Variants in TET2 observed in about 807,000 individuals in gnomAD.
TET2 encodes the protein methylcytosine dioxygenase TET2.
A neutral mutation model predicts 142.9 loss-of-function variants in TET2; 299 were observed. That is an observed-to-expected ratio of 2.09 (90% CI 1.90 to 2.30). The LOEUF (loss-of-function observed/expected upper bound fraction) is 2.30, where lower values mean the gene tolerates loss of function less well. Ranked by LOEUF, TET2 falls within the 30% of genes most tolerant of loss-of-function variation. TET2 has a pLI of 0.00. For synonymous variants in TET2, 819 were observed against 849.0 expected (o/e 0.96, Z 0.61); for missense variants, 2,418 against 2,378.0 (o/e 1.02, Z -0.35).
Position 105,234,809 on chromosome 4 carries a change from TGCA to T in TET2, c.869_871del (p.Ala290del). ...ACTCTGAGCTGCCTCCAAAGCCAGC[TGCA>T]GTGGTGAGTGAGGCCTGTGATGCTG... On this transcript the variant is annotated inframe_deletion, in exon 3 of 11. Coordinates refer to ENST00000380013, the MANE Select transcript of TET2 (RefSeq NM_001127208.3). 1.2e-6 allele frequency: 2 copies of T among 1,613,986 alleles called. No individual in the cohort carries two copies. Among genetic ancestry groups the T allele is most frequent in the Non-Finnish European group, 1.7e-6 (2 of 1,179,982 alleles).
chr4:105,241,663 C>T, intron 4 of TET2: 2 of 1,280,800 alleles, frequency 1.6e-6, no homozygotes, highest in Non-Finnish European at 9.9e-7. Flanking sequence ...GCGATGGATG[C>T]CAGAAAACCC....
Position 105,236,399 on chromosome 4 carries a change from T to C in TET2, c.2457T>C (p.Tyr819=). ...VQNINRRNSP[Y]SQTMKSSACK... Reference sequence around the variant, plus strand: ...ATATAAATCGTAGAAATTCCCCTTATAGTCAGACCATGAAATCAAGTGCAT... The same window carrying C: ...ATATAAATCGTAGAAATTCCCCTTACAGTCAGACCATGAAATCAAGTGCAT... Residue 819 remains tyrosine, a synonymous_variant, in exon 3 of 11, where the codon TAT becomes TAC. Coordinates refer to ENST00000380013, the MANE Select transcript of TET2 (RefSeq NM_001127208.3). 1 of 1,614,018 alleles carries C rather than the reference T, an allele frequency of 6.2e-7. No homozygotes were observed. The highest frequency in any genetic ancestry group is 1.1e-5 in the South Asian group (1 of 91,080).
At position 105,272,886 on chromosome 4, in the gene TET2, C is replaced by CT. The variant is rs1218992076; in HGVS notation, c.4506dup (p.Glu1503Ter). 6.5e-7 allele frequency: 1 copy of CT among 1,543,730 alleles called. No homozygotes were observed. Among genetic ancestry groups the CT allele is most frequent in the Admixed American group, 2.0e-5 (1 of 48,988 alleles). On this transcript the variant is annotated frameshift_variant, in exon 10 of 11. Transcript: ENST00000380013. LOFTEE classifies it low-confidence loss of function (END_TRUNC). ...TCAGCCCCATCACGTACAAAACAAA[C>CT]TGAAAACGCAAGCCAGGCTAAACAG... is the stretch of plus-strand genomic sequence containing the variant.
intron 1 of TET2, among the ~76,000 whole-genome samples, chr4:105,188,056 A>T (rs1336616178): frequency 6.6e-6 from 1 of 152,224 alleles, no homozygotes; most frequent in East Asian, 1.9e-4. Flanking sequence ...AAACTTATAA[A>T]CATTGTATAT....
In TET2 at chr4:105,235,396, T is replaced by C; in HGVS notation, c.1454T>C (p.Val485Ala). The change falls in exon 3 of 11, where the codon GTG becomes GCG. Residue 485 changes from valine (V) to alanine (A), a missense_variant. By Grantham distance (64) the Val-to-Ala change is moderately conservative (BLOSUM62 0). Transcript: ENST00000380013. Reference sequence around the variant, plus strand: ...TCTGAAAGGCCTCAGAATAATTGTGTGAACAGGAATGACATACAGACTGCA... The same window carrying C: ...TCTGAAAGGCCTCAGAATAATTGTGCGAACAGGAATGACATACAGACTGCA... ...MLSERPQNNC[V>A]NRNDIQTAGT... 6.2e-7 allele frequency: 1 copy of C among 1,614,206 alleles called. No individual in the cohort carries two copies. Among genetic ancestry groups the C allele is most frequent in the Non-Finnish European group, 8.5e-7 (1 of 1,180,022 alleles).
intron 1 of TET2, among the ~76,000 whole-genome samples, chr4:105,164,143 AT>A (rs1325711724): frequency 6.6e-6 from 1 of 152,150 alleles, no homozygotes; most frequent in African/African-American, 2.4e-5. Context: ...AATGTATTAA[AT>A]ATTCATCTGG....
chr4:105,221,849 T>C (rs1727843298), intron 2 of TET2, among the ~76,000 whole-genome samples: 1 of 151,794 alleles, frequency 6.6e-6, no homozygotes, highest in African/African-American at 2.4e-5. Flanking sequence ...TATCTCCCAA[T>C]GCTATCCCTC....
intron 2 of TET2, among the ~76,000 whole-genome samples, chr4:105,191,457 T>C (rs1195786132): frequency 6.6e-6 from 1 of 152,300 alleles, no homozygotes; most frequent in South Asian, 2.1e-4. Flanking sequence ...GTTAAAATTA[T>C]AGAGACATTG....
chr4:105,259,847 C>T, intron 7 of TET2, 78 bp downstream of exon 7: 6 of 1,374,790 alleles, frequency 4.4e-6, no homozygotes, highest in Non-Finnish European at 5.8e-6. Flanking sequence ...AACAATATGA[C>T]ATATCTTGGT....
intron 1 of TET2, among the ~76,000 whole-genome samples, chr4:105,187,584 C>G (rs1480970758): frequency 6.6e-6 from 1 of 152,224 alleles, no homozygotes. Flanking sequence ...ATCATTCTTT[C>G]AGACAACCAA....
chr4:105,193,408 A>G (rs1315476440), intron 2 of TET2, among the ~76,000 whole-genome samples: 1 of 152,198 alleles, frequency 6.6e-6, no homozygotes, highest in African/African-American at 2.4e-5. Flanking sequence ...AAGTCAAGCT[A>G]AAGATTATTG....
chr4:105,245,510 A>G (rs1451880501), intron 6 of TET2, among the ~76,000 whole-genome samples: 1 of 151,978 alleles, frequency 6.6e-6, no homozygotes, highest in East Asian at 1.9e-4. Flanking sequence ...TTGTATTTTT[A>G]GTAGAGACAG....
chr4:105,151,925 A>G (rs1312242680), intron 1 of TET2, among the ~76,000 whole-genome samples: 2 of 151,886 alleles, frequency 1.3e-5, no homozygotes, highest in Admixed American at 1.3e-4. Context: ...AAATACAAAA[A>G]TTAGCCGGGC....
In TET2 at chr4:105,277,256, C is replaced by G. The variant is rs1731268678; in HGVS notation, c.*737C>G. 1.8e-5 allele frequency: 4 copies of G among 227,296 alleles called. No individual in the cohort carries two copies. The highest frequency in any genetic ancestry group is 1.8e-4 in the South Asian group (1 of 5,500). 14.1% of individuals were successfully genotyped at this position (227,296 alleles called of 1,614,324 possible). On this transcript the variant is annotated 3_prime_UTR_variant, in exon 11 of 11. Transcript: ENST00000380013. The stretch of plus-strand genomic sequence containing the variant: ...TTTATCATAATTACCTATTCTTACA[C>G]AAGCTTAGTTTTTAAAATGTGGACA...
At chr4:105,249,747 T>G (rs1729772481) in intron 6 of TET2, among the ~76,000 whole-genome samples, 1 of 152,232 alleles carries the variant, frequency 6.6e-6, no homozygotes, top group Non-Finnish European at 1.5e-5. Context: ...AAAAGTCTAC[T>G]TATATGTTTT....
At chr4:105,250,823 G>A (rs1330469844) in intron 6 of TET2, among the ~76,000 whole-genome samples, 2 of 151,856 alleles carry the variant, frequency 1.3e-5, no homozygotes, top group Non-Finnish European at 2.9e-5. Context: ...GGAACTACAG[G>A]TGCGCGCCAC....
At chr4:105,240,297 A>G in intron 3 of TET2, 8 of 1,032,816 alleles carry the variant, frequency 7.7e-6, no homozygotes, top group Non-Finnish European at 8.3e-6. Context: ...AAAAGAACAA[A>G]GCACAATAAA....
At chr4:105,251,464 T>C (rs1422312008) in intron 6 of TET2, among the ~76,000 whole-genome samples, 1 of 152,234 alleles carries the variant, frequency 6.6e-6, no homozygotes, top group Non-Finnish European at 1.5e-5. Context: ...TTTTCTCAAA[T>C]GCTGTGGCTA....
intron 8 of TET2, among the ~76,000 whole-genome samples, chr4:105,267,514 G>A (rs1730738356): frequency 1.4e-5 from 2 of 143,842 alleles, no homozygotes; most frequent in African/African-American, 2.6e-5. Flanking sequence ...TGAGACGTTA[G>A]AGTACACTGT....
Sources: gnomAD v4.1 joint callset for allele counts (sites outside exome capture counted in the v4.1 genomes callset) on GRCh38, gnomAD v4.1.1 for gene constraint, MANE v1.5 for transcripts, NCBI Gene and HGNC (gene_info 2026-07-23, HGNC 2026-07-21) for gene names.